Variants in FLG observed in about 807,000 individuals in gnomAD.
The protein encoded by FLG is filaggrin.
FLG carries 6 observed loss-of-function variants against 3.8 expected under a neutral mutation model. The observed-to-expected ratio is 1.60, with a 90% CI of 0.87 to 3.15. FLG has a LOEUF of 3.15. FLG is among the 30% of genes most tolerant of loss of function. The pLI is 0.00. For synonymous variants in FLG, 2,551 were observed against 1,931.6 expected (o/e 1.32, Z -8.41); for missense variants, 7,595 against 5,050.9 (o/e 1.50, Z -15.27).
Position 152,307,415 on chromosome 1 carries a change from G to C in FLG, c.7471C>G (p.His2491Asp). ...CCCTGGGATGTGGTGTGGCTGTGAT[G>C]AGACCCTGAGTGTCCAGATCTATCT... ...LVDRSGHSGS[H>D]HSHTTSQGRS... Residue 2491 changes from histidine to aspartate, a missense_variant, in exon 3 of 3, where the codon CAT (histidine) becomes GAT (aspartate). His to Asp is a moderately conservative substitution (Grantham distance 81, BLOSUM62 -1). Coordinates refer to ENST00000368799, the MANE Select transcript of FLG (RefSeq NM_002016.2). 2 of 1,613,212 alleles carry C rather than the reference G, an allele frequency of 1.2e-6. No individual in the cohort carries two copies. Among genetic ancestry groups the C allele is most frequent in the Non-Finnish European group, 1.7e-6 (2 of 1,179,696 alleles).
rs778868457 is a variant in FLG at position 152,309,139 on chromosome 1, G to C, written c.5747C>G (p.Ser1916Cys). The change falls in exon 3 of 3, where the codon TCC (serine) becomes TGC (cysteine). Residue 1916 changes from serine to cysteine, a missense_variant. Coordinates refer to ENST00000368799, the MANE Select transcript of FLG (RefSeq NM_002016.2). ...ACTGTCACTGTCCTGGCTAACACTG[G>C]ATCCCTGGTTCCTGCTTGTCCTGGG... is the stretch of plus-strand genomic sequence containing the variant. ...SGPRTSRNQG[S>C]SVSQDSDSQG... is the part of the protein sequence containing the mutation. 1.2e-6 allele frequency: 2 copies of C among 1,613,668 alleles called. No individual in the cohort carries two copies. Among genetic ancestry groups the C allele is most frequent in the Non-Finnish European group, 1.7e-6 (2 of 1,179,680 alleles).
rs1270349971 is a variant in FLG, at chr1:152,309,654, C to G, written c.5232G>C (p.Gln1744His). The G allele has an allele frequency of 6.2e-7, 1 of 1,613,914 alleles. No homozygotes were observed. The highest frequency in any genetic ancestry group is 1.3e-5 in the African/African-American group (1 of 74,996). ...VSAHGQAGPHQQSHQESTRGQ... is the reference protein window; with the variant it reads ...VSAHGQAGPHHQSHQESTRGQ... ...CACGTGTGGACTCTTGGTGGCTCTG[C>G]TGATGGGGCCCAGCCTGTCCGTGGG... Residue 1744 changes from glutamine (Q) to histidine (H), a missense_variant, in exon 3 of 3, where the codon CAG (glutamine) becomes CAC (histidine). Transcript: ENST00000368799.
chr1:152,309,420 T>A lies in FLG; in HGVS notation c.5466A>T (p.Gly1822=). 5 of 1,613,426 alleles carry A rather than the reference T, an allele frequency of 3.1e-6. No homozygotes were observed. Among genetic ancestry groups the A allele is most frequent in the South Asian group, 1.1e-5 (1 of 91,032 alleles). ...GCTCATAGTGGGATCCCTGCCTTCC[T>A]CCTCTGCTTGACCCTGGGTGTCCAC... ...TIRGHPGSSR[G]GRQGSHYEQS... The change falls in exon 3 of 3, where the codon GGA becomes GGT. Residue 1822 remains glycine, a synonymous_variant. Transcript: ENST00000368799.
In FLG at chr1:152,304,471, C is replaced by T. The variant is rs527718093; in HGVS notation, c.10415G>A (p.Arg3472Lys). The change falls in exon 3 of 3, where the codon AGG becomes AAG. Residue 3472 changes from arginine to lysine, a missense_variant. Coordinates refer to ENST00000368799, the MANE Select transcript of FLG (RefSeq NM_002016.2). ...SHHSHTTSQG[R>K]SDASRGQSGS... ...TGACTGCCCACGGGAGGCATCAGAC[C>T]TTCCCTGGGATGTGGTGTGGCTGTG... 1 of 1,612,780 alleles carries T rather than the reference C, an allele frequency of 6.2e-7. No homozygotes were observed. The highest frequency in any genetic ancestry group is 8.5e-7 in the Non-Finnish European group (1 of 1,179,604).
Position 152,312,614 on chromosome 1 carries a change from C to G in FLG, c.2272G>C (p.Asp758His), listed in dbSNP as rs1266219864. ...TDSEGHSEDSDTQSVSGHGQA... is the reference protein window; with the variant it reads ...TDSEGHSEDSHTQSVSGHGQA... ...CCATGGCCTGACACTGACTGTGTGT[C>G]TGAGTCTTCTGAATGTCCCTCACTG... is the stretch of plus-strand genomic sequence containing the variant. The change falls in exon 3 of 3, where the codon GAC becomes CAC. Residue 758 changes from aspartate to histidine, a missense_variant. Coordinates refer to ENST00000368799, the MANE Select transcript of FLG (RefSeq NM_002016.2). 3 of 1,613,700 alleles carry G rather than the reference C, an allele frequency of 1.9e-6. No homozygotes were observed. Among genetic ancestry groups the G allele is most frequent in the Non-Finnish European group, 2.5e-6 (3 of 1,179,984 alleles).
Position 152,309,324 on chromosome 1 carries a change from G to C in FLG, c.5562C>G (p.Val1854=), listed in dbSNP as rs745670665. The change falls in exon 3 of 3, where the codon GTC becomes GTG. Residue 1854 remains valine, a synonymous_variant. Transcript: ENST00000368799. ...SHTTSQERSD[V]SRGQSGSRSV... The stretch of plus-strand genomic sequence containing the variant: ...TTCTGGATCCTGACTGCCCACGGGA[G>C]ACATCAGACCTTTCCTGGGACGTGG... 1.2e-6 allele frequency: 2 copies of C among 1,613,930 alleles called. No individual in the cohort carries two copies. Among genetic ancestry groups the C allele is most frequent in the Non-Finnish European group, 8.5e-7 (1 of 1,180,010 alleles).
chr1:152,325,040 T>C (rs773193873), intron 1 of FLG, 149 bp downstream of exon 1: 2 of 151,812 alleles, frequency 1.3e-5, no homozygotes, highest in Non-Finnish European at 2.9e-5. Context: ...TTTCCTTCTA[T>C]ATAGAAATAA....
Position 152,309,154 on chromosome 1 carries a change from C to G in FLG, c.5732G>C (p.Ser1911Thr). ...GQGQSSGPRT[S>T]RNQGSSVSQD... ...GCTAACACTGGATCCCTGGTTCCTG[C>G]TTGTCCTGGGCCCTGATGATTGTCC... Residue 1911 changes from serine (S) to threonine (T), a missense_variant, in exon 3 of 3, where the codon AGC becomes ACC. Physicochemically the swap from Ser to Thr is moderately conservative, Grantham distance 58. Coordinates refer to ENST00000368799, the MANE Select transcript of FLG (RefSeq NM_002016.2). 1 of 1,613,628 alleles carries G rather than the reference C, an allele frequency of 6.2e-7. No individual in the cohort carries two copies. Among genetic ancestry groups the G allele is most frequent in the South Asian group, 1.1e-5 (1 of 91,060 alleles).
chr1:152,313,342 G>A lies in FLG; in HGVS notation c.1544C>T (p.Thr515Ile). The change falls in exon 3 of 3, where the codon ACC becomes ATC. Residue 515 changes from threonine to isoleucine, a missense_variant. Transcript: ENST00000368799. ...RHSASQEGQD[T>I]IRGHPGSSRG... is the part of the protein sequence containing the mutation. ...GCTTGACCCCGGGTGTCCACGAATG[G>A]TGTCCTGACCCTCTTGGGACGCTGA... 3.1e-6 allele frequency: 5 copies of A among 1,613,346 alleles called. No individual in the cohort carries two copies. Among genetic ancestry groups the A allele is most frequent in the East Asian group, 2.2e-5 (1 of 44,780 alleles).
rs762458364 is a variant in FLG at position 152,310,505 on chromosome 1, T to A, written c.4381A>T (p.Ser1461Cys). The A allele has an allele frequency of 6.2e-7, 1 of 1,613,892 alleles. No homozygotes were observed. The change falls in exon 3 of 3, where the codon AGC (serine) becomes TGC (cysteine). Residue 1461 changes from serine (S) to cysteine (C), a missense_variant. Transcript: ENST00000368799. ...SESTHGQTAP[S>C]TGGRQGSRHE... ...CGGGATCCTTGTCTTCCTCCAGTGC[T>A]GGGTGCAGTCTGTCCGTGTGTGGAC...
Position 152,310,392 on chromosome 1 carries a change from T to A in FLG, c.4494A>T (p.Gly1498=), listed in dbSNP as rs1557877676. 6.2e-7 allele frequency: 1 copy of A among 1,613,686 alleles called. No individual in the cohort carries two copies. The highest frequency in any genetic ancestry group is 8.5e-7 in the Non-Finnish European group (1 of 1,179,952). The change falls in exon 3 of 3, where the codon GGA becomes GGT. Residue 1498 remains glycine (G), a synonymous_variant. Transcript: ENST00000368799. ...GCTCGTGGTAGGATCCCTGCCTTCC[T>A]CCTCTGCTTGACCCCGGGTGTCCAC... is the stretch of plus-strand genomic sequence containing the variant. ...TIRGHPGSSR[G]GRQGSYHEQS...
rs139449805 is a variant in FLG, at chr1:152,305,458, G to A, written c.9428C>T (p.Thr3143Ile). ...SGHSGSHHSH[T>I]TSQGRSDASR... Reference sequence around the variant, plus strand: ...GGCATCAGACCTTCCCTGGGATGTGGTGTGGCTGTGATGGGACCCTGAGTG... The same window carrying A: ...GGCATCAGACCTTCCCTGGGATGTGATGTGGCTGTGATGGGACCCTGAGTG... Residue 3143 changes from threonine to isoleucine, a missense_variant, in exon 3 of 3, where the codon ACC becomes ATC. Transcript: ENST00000368799. The A allele has an allele frequency of 1.1e-4, 171 of 1,591,194 alleles. 1 individual carries two copies. Among genetic ancestry groups the A allele is most frequent in the Middle Eastern group, 5.2e-4 (3 of 5,746 alleles).
At position 152,307,314 on chromosome 1, in the gene FLG, T is replaced by A; in HGVS notation, c.7572A>T (p.Gly2524=). 2 of 1,613,500 alleles carry A rather than the reference T, an allele frequency of 1.2e-6. No homozygotes were observed. Among genetic ancestry groups the A allele is most frequent in the Non-Finnish European group, 1.7e-6 (2 of 1,179,934 alleles). ...GCGACCCTGAGTGCCTGGAGCCGTC[T>A]CCTGATTGTTCATCGTTACGAGTTT... The part of the protein sequence containing the change: ...SRQTRNDEQS[G]DGSRHSGSRH... Residue 2524 remains glycine (G), a synonymous_variant, in exon 3 of 3, where the codon GGA becomes GGT. Coordinates refer to ENST00000368799, the MANE Select transcript of FLG (RefSeq NM_002016.2).
rs765303433 is a variant in FLG at position 152,312,071 on chromosome 1, T to G, written c.2815A>C (p.Ser939Arg). 2 of 1,614,168 alleles carry G rather than the reference T, an allele frequency of 1.2e-6. No homozygotes were observed. Among genetic ancestry groups the G allele is most frequent in the Non-Finnish European group, 1.7e-6 (2 of 1,180,034 alleles). The part of the protein sequence containing the change: ...GQGQSEGSRT[S>R]RRQGSSVSQD... ...CTAACACTGGATCCCTGGCGCCTGCTTGTCCTGGACCCCTCTGATTGTCCC... is the reference window on the plus strand; with the variant it reads ...CTAACACTGGATCCCTGGCGCCTGCGTGTCCTGGACCCCTCTGATTGTCCC... Residue 939 changes from serine to arginine, a missense_variant, in exon 3 of 3, where the codon AGC (serine) becomes CGC (arginine). Coordinates refer to ENST00000368799, the MANE Select transcript of FLG (RefSeq NM_002016.2).
At position 152,303,473 on chromosome 1, in the gene FLG, C is replaced by G. The variant is rs1204221486; in HGVS notation, c.11413G>C (p.Gly3805Arg). The G allele has an allele frequency of 6.2e-7, 1 of 1,614,104 alleles. No individual in the cohort carries two copies. The highest frequency in any genetic ancestry group is 8.5e-7 in the Non-Finnish European group (1 of 1,180,020). Residue 3805 changes from glycine (G) to arginine (R), a missense_variant, in exon 3 of 3, where the codon GGA becomes CGA. Coordinates refer to ENST00000368799, the MANE Select transcript of FLG (RefSeq NM_002016.2). ...GTTTCTCTGCTTGCACTTCTGGATC[C>G]TGACTGCCCATGGGAGGCATCAGAC... is the stretch of plus-strand genomic sequence containing the variant. ...GRSDASHGQSGSRSASRETRN... is the reference protein window; with the variant it reads ...GRSDASHGQSRSRSASRETRN...
At position 152,308,284 on chromosome 1, in the gene FLG, T is replaced by C. The variant is rs754662702; in HGVS notation, c.6602A>G (p.Asp2201Gly). The C allele has an allele frequency of 3.7e-6, 6 of 1,613,320 alleles. No individual in the cohort carries two copies. Among genetic ancestry groups the C allele is most frequent in the Non-Finnish European group, 5.1e-6 (6 of 1,179,546 alleles). The change falls in exon 3 of 3, where the codon GAT becomes GGT. Residue 2201 changes from aspartate (D) to glycine (G), a missense_variant. Transcript: ENST00000368799. ...ATGCGACCCTGAGTGCCTAGAGCCA[T>C]CTCCTGATTGTTCCTTGTCATATGT... ...RKTYDKEQSG[D>G]GSRHSGSHHH...
At position 152,313,652 on chromosome 1, in the gene FLG, G is replaced by T; in HGVS notation, c.1234C>A (p.Arg412Ser). The change falls in exon 3 of 3, where the codon CGT becomes AGT. Residue 412 changes from arginine to serine, a missense_variant. By Grantham distance (110) the Arg-to-Ser change is moderately radical (BLOSUM62 -1). Coordinates refer to ENST00000368799, the MANE Select transcript of FLG (RefSeq NM_002016.2). ...CTACCGCTAGACCCCCGGTGTCCACGATCGCTGACTGCAGATGAAGCTTGC... is the reference window on the plus strand; with the variant it reads ...CTACCGCTAGACCCCCGGTGTCCACTATCGCTGACTGCAGATGAAGCTTGC... The part of the protein sequence containing the change: ...RGQASSAVSD[R>S]GHRGSSGSQA... The T allele has an allele frequency of 6.2e-7, 1 of 1,613,354 alleles. No homozygotes were observed. The highest frequency in any genetic ancestry group is 1.1e-5 in the South Asian group (1 of 90,990).
rs146352383 is a variant in FLG, at chr1:152,308,630, G to A, written c.6256C>T (p.Arg2086Cys). 4.9e-5 allele frequency: 79 copies of A among 1,614,016 alleles called. No individual in the cohort carries two copies. In the African/African-American group the frequency reaches 6.3e-4, roughly 13 times the overall value. Residue 2086 changes from arginine (R) to cysteine (C), a missense_variant, in exon 3 of 3, where the codon CGT becomes TGT. By Grantham distance (180) the Arg-to-Cys change is radical. Coordinates refer to ENST00000368799, the MANE Select transcript of FLG (RefSeq NM_002016.2). ...ACCTGGTAGAGGAAAGACCCTGAAC[G>A]TCCAGAGCTTTCCCCTGACTGGCCA... ...ARGQSGESSG[R>C]SGSFLYQVST... is the part of the protein sequence containing the mutation.
chr1:152,314,421 A>G lies in FLG; in HGVS notation c.465T>C (p.Ser155=). Residue 155 remains serine, a synonymous_variant, in exon 3 of 3, where the codon AGT becomes AGC. Transcript: ENST00000368799. The part of the protein sequence containing the change: ...RETGGKRHES[S]SEKKERKGYS... ...ATCCTTTTCTTTCTTTTTTTTCAGA[A>G]CTAGATTCATGCCTTTTCCCCCCTG... The G allele has an allele frequency of 1.2e-6, 2 of 1,612,640 alleles. No homozygotes were observed. The highest frequency in any genetic ancestry group is 2.2e-5 in the East Asian group (1 of 44,822).
Sources: gnomAD v4.1 joint callset for allele counts on GRCh38, gnomAD v4.1.1 for gene constraint, MANE v1.5 for transcripts, NCBI Gene and HGNC (gene_info 2026-07-23, HGNC 2026-07-21) for gene names.